The following SPATA25 variants were observed in gnomAD, a reference collection of about 807,000 sequenced individuals.
SPATA25 encodes spermatogenesis associated 25, also known as spermatogenesis-associated protein 25.
In SPATA25, 16 loss-of-function variants were observed where a neutral mutation model predicts 16.0. The observed-to-expected ratio is 1.00, with a 90% CI of 0.68 to 1.52. The LOEUF is 1.52. Ranked by LOEUF, SPATA25 falls within the 40% of genes most tolerant of loss-of-function variation. The pLI, the probability that SPATA25 is intolerant of heterozygous loss-of-function variation, is 0.00. For missense variants in SPATA25, 285 were observed against 289.2 expected, an observed-to-expected ratio of 0.99 and a Z score of 0.11; for synonymous variants, 115 against 118.5, an observed-to-expected ratio of 0.97 and a Z score of 0.19.
chr20:45,888,369 G>A (rs1468554548), upstream of SPATA25, among the ~76,000 whole-genome samples: 1 of 152,052 alleles, frequency 6.6e-6, no homozygotes, highest in Non-Finnish European at 1.5e-5. Context: ...TTTTTCTAGG[G>A]ACATACTTCT....
In SPATA25 at chr20:45,887,520, G is replaced by A. The variant is rs764662988; in HGVS notation, c.55+16C>T. Reference sequence around the variant, plus strand: ...AGCTGCCGCACTCCCTCCAATTGCAGGTGCCCCCCGCTCACCTTGGCCGGA... The same window carrying A: ...AGCTGCCGCACTCCCTCCAATTGCAAGTGCCCCCCGCTCACCTTGGCCGGA... On this transcript the variant is annotated intron_variant, in intron 1 of 1. Transcript: ENST00000372519. 1.2e-6 allele frequency: 2 copies of A among 1,612,310 alleles called. No homozygotes were observed. Among genetic ancestry groups the A allele is most frequent in the East Asian group, 4.5e-5 (2 of 44,764 alleles).
At chr20:45,889,397 T>G (rs1986632142), upstream of SPATA25, among the ~76,000 whole-genome samples, 1 of 152,014 alleles carries the variant, frequency 6.6e-6, no homozygotes, top group South Asian at 2.1e-4. Flanking sequence ...TCTTGCTCTG[T>G]CACCCAGGCT....
chr20:45,887,188 T>TGAGGAGGGGGCCCTGAG (rs1195303384), intron 1 of SPATA25, 43 bp from the exon 2 acceptor site: 3 of 1,540,396 alleles, frequency 1.9e-6, no homozygotes. Flanking sequence ...CTCAGTTCTT[T>TGAGGAGGGGGCCCTGAG]GAGGAGGGGG....
At chr20:45,889,154 T>G (rs1003060294), upstream of SPATA25, among the ~76,000 whole-genome samples, 2 of 152,152 alleles carry the variant, frequency 1.3e-5, no homozygotes, top group African/African-American at 4.8e-5. Context: ...CCTGTGCAAC[T>G]GAAGCCTCCA....
upstream of SPATA25, chr20:45,890,360 T>A (rs770575809): frequency 5.0e-6 from 8 of 1,612,948 alleles, no homozygotes; most frequent in Admixed American, 1.3e-4. Context: ...GCCCATGTCC[T>A]CGCCGTTGAT....
chr20:45,887,396 G>T, intron 1 of SPATA25, 140 bp downstream of exon 1: 2 of 868,894 alleles, frequency 2.3e-6, no homozygotes, highest in Non-Finnish European at 3.5e-6. Flanking sequence ...AGGATGTTTG[G>T]AATGGCTTTT....
upstream of SPATA25, chr20:45,890,423 A>G: frequency 6.2e-7 from 1 of 1,611,334 alleles, no homozygotes; most frequent in South Asian, 1.1e-5. Flanking sequence ...GAGGACACCC[A>G]GGCGGCTACG....
chr20:45,888,543 C>T, upstream of SPATA25: 1 of 551,684 alleles, frequency 1.8e-6, no homozygotes, highest in African/African-American at 1.9e-5. Context: ...AGCCTAGGGA[C>T]CCCTGCTCTT....
chr20:45,890,811 C>T (rs761120775), upstream of SPATA25: 2 of 1,584,936 alleles, frequency 1.3e-6, no homozygotes, highest in Non-Finnish European at 1.7e-6. Context: ...TGGCCCGGGG[C>T]CAGCGGCTCG....
chr20:45,889,603 C>A (rs1226000254), upstream of SPATA25, among the ~76,000 whole-genome samples: 2 of 124,034 alleles, frequency 1.6e-5, no homozygotes. Flanking sequence ...TGCTTTCTCT[C>A]TCTTCCTCTC....
At chr20:45,887,702 A>G, upstream of SPATA25, 2 of 960,926 alleles carry the variant, frequency 2.1e-6, no homozygotes, top group African/African-American at 3.3e-5. Flanking sequence ...CTTGGAATCC[A>G]CTTTACAGCG....
At chr20:45,890,422 C>A (rs750431114), upstream of SPATA25, 1 of 1,611,246 alleles carries the variant, frequency 6.2e-7, no homozygotes, top group Admixed American at 1.7e-5. Context: ...AGAGGACACC[C>A]AGGCGGCTAC....
upstream of SPATA25, chr20:45,890,863 G>T (rs752171358): frequency 1.9e-6 from 3 of 1,570,536 alleles, no homozygotes; most frequent in East Asian, 7.0e-5. Flanking sequence ...CCACGCGTGT[G>T]GCCCGCGTCC....
chr20:45,887,947 C>T (rs541201952), upstream of SPATA25, among the ~76,000 whole-genome samples: 4 of 152,298 alleles, frequency 2.6e-5, no homozygotes, highest in African/African-American at 9.6e-5. Context: ...GAGATGGAAA[C>T]ACAGGAGCCA....
chr20:45,890,976 C>T (rs913907083), upstream of SPATA25: 1 of 1,492,166 alleles, frequency 6.7e-7, no homozygotes, highest in Non-Finnish European at 8.9e-7. Flanking sequence ...TCCACGGGCT[C>T]GGAGGCAGCA....
At position 45,886,635 on chromosome 20, in the gene SPATA25, G is replaced by A. The variant is rs751964661; in HGVS notation, c.566C>T (p.Pro189Leu). The A allele has an allele frequency of 7.4e-6, 12 of 1,613,920 alleles. No individual in the cohort carries two copies. Among genetic ancestry groups the A allele is most frequent in the South Asian group, 2.2e-5 (2 of 91,094 alleles). Residue 189 changes from proline to leucine, a missense_variant, in exon 2 of 2, where the codon CCG becomes CTG. By Grantham distance (98) the Pro-to-Leu change is moderately conservative. Transcript: ENST00000372519. ...WAAQAFMMAH[P>L]EPEGAVEGAR... is the part of the protein sequence containing the mutation. Reference sequence around the variant, plus strand: ...CCCCTCCACAGCACCCTCTGGCTCCGGATGGGCCATCATGAAAGCTTGAGC... The same window carrying A: ...CCCCTCCACAGCACCCTCTGGCTCCAGATGGGCCATCATGAAAGCTTGAGC...
upstream of SPATA25, chr20:45,888,852 C>T (rs763381350): frequency 1.2e-6 from 2 of 1,614,058 alleles, no homozygotes; most frequent in African/African-American, 1.3e-5. Context: ...CACTAGGCGG[C>T]ACAGAGTCTG....
At chr20:45,888,803 C>CAGT, upstream of SPATA25, 1 of 1,614,080 alleles carries the variant, frequency 6.2e-7, no homozygotes, top group East Asian at 2.2e-5. Flanking sequence ...GCAGGTGGAG[C>CAGT]CCATCAATGG....
chr20:45,890,534 C>G (rs1432580159), upstream of SPATA25: 1 of 1,607,214 alleles, frequency 6.2e-7, no homozygotes, highest in South Asian at 1.1e-5. Flanking sequence ...CCGGGGAATG[C>G]GAAACTGCTC....
Sources: allele counts gnomAD v4.1 joint callset (sites outside exome capture counted in the v4.1 genomes callset), GRCh38; gene constraint gnomAD v4.1.1; transcripts MANE v1.5; gene names NCBI Gene and HGNC (gene_info 2026-07-23, HGNC 2026-07-21).